Variants in CDYL observed in about 807,000 individuals in gnomAD.
CDYL encodes chromodomain Y like, also known as chromodomain Y-like protein.
In CDYL, 8 loss-of-function variants were observed where a neutral mutation model predicts 47.3. The observed-to-expected ratio is 0.17, with a 90% CI of 0.10 to 0.31. The LOEUF (loss-of-function observed/expected upper bound fraction) is 0.31, where lower values mean the gene tolerates loss of function less well. Among genes scored for constraint, CDYL ranks in the 10% least tolerant of loss-of-function variants. The pLI, the probability that CDYL is intolerant of heterozygous loss-of-function variation, is 1.00. For synonymous variants in CDYL, 266 were observed against 265.0 expected, an observed-to-expected ratio of 1.00 and a Z score of -0.04; for missense variants, 471 against 701.4, an observed-to-expected ratio of 0.67 and a Z score of 3.71.
chr6:4,725,617 C>A (rs1348955742), intron 2 of CDYL, among the ~76,000 whole-genome samples: 1 of 152,250 alleles, frequency 6.6e-6, no homozygotes, highest in African/African-American at 2.4e-5. Flanking sequence ...GCCCGCCGAG[C>A]CCACGCCCAC....
chr6:4,802,144 A>G (rs1165547567), intron 1 of CDYL, among the ~76,000 whole-genome samples: 1 of 152,164 alleles, frequency 6.6e-6, no homozygotes, highest in Admixed American at 6.5e-5. Flanking sequence ...TTGAGCCAAG[A>G]TGCCACAAAC....
chr6:4,860,958 GCCACACCCAC>G (rs1238295293), intron 1 of CDYL, among the ~76,000 whole-genome samples: 1 of 151,874 alleles, frequency 6.6e-6, no homozygotes, highest in Admixed American at 6.6e-5. Flanking sequence ...ATCTGTTTTG[GCCACACCCAC>G]CCAGACACAC....
At chr6:4,739,017 C>T (rs1309909204) in intron 3 of CDYL, among the ~76,000 whole-genome samples, 2 of 151,854 alleles carry the variant, frequency 1.3e-5, no homozygotes, top group African/African-American at 2.4e-5. Context: ...CAAAATTAGC[C>T]GGGCGTGGTG....
At chr6:4,753,363 C>A (rs1277377773) in intron 3 of CDYL, among the ~76,000 whole-genome samples, 2 of 152,130 alleles carry the variant, frequency 1.3e-5, no homozygotes, top group African/African-American at 4.8e-5. Flanking sequence ...GCTGTCAGTG[C>A]TAAAGATGTG....
intron 2 of CDYL, among the ~76,000 whole-genome samples, chr6:4,718,005 C>A (rs1478661305): frequency 6.6e-6 from 1 of 151,896 alleles, no homozygotes; most frequent in Non-Finnish European, 1.5e-5. Flanking sequence ...GCCACCACAC[C>A]CGGCTGATTT....
At chr6:4,801,604 T>TAAGACTTA in intron 1 of CDYL, among the ~76,000 whole-genome samples, 1 of 152,318 alleles carries the variant, frequency 6.6e-6, no homozygotes, top group East Asian at 1.9e-4. Flanking sequence ...GTCTTTGCAC[T>TAAGACTTA]GGTGGTGGTT....
chr6:4,950,880 C>T (rs1758680134), intron 5 of CDYL, among the ~76,000 whole-genome samples: 1 of 148,398 alleles, frequency 6.7e-6, no homozygotes, highest in South Asian at 2.1e-4. Context: ...TGCAGTGAGC[C>T]GATATTGCAC....
At chr6:4,787,457 A>G (rs551208627) in intron 1 of CDYL, among the ~76,000 whole-genome samples, 19 of 152,186 alleles carry the variant, frequency 1.2e-4, no homozygotes, top group Non-Finnish European at 1.8e-4. Context: ...CTTCCTAAGT[A>G]GCTCTAGATT....
rs184553230 is a variant in CDYL at position 4,766,615 on chromosome 6, A to G, written c.186+31771A>G. ...ATAAGCAAATGCATACAGGTATCAA[A>G]AGAAGAAATAATGGCATTCATACAC... On this transcript the variant is annotated intron_variant, in intron 3 of 8. Coordinates refer to the CDYL transcript ENST00000328908. 1.9e-3 allele frequency among the ~76,000 whole-genome samples: 282 copies of G among 152,306 alleles called. 1 individual carries two copies. The highest frequency in any genetic ancestry group is 6.3e-3 in the African/African-American group (260 of 41,554).
At chr6:4,904,350 T>C (rs1461731671) in intron 2 of CDYL, among the ~76,000 whole-genome samples, 1 of 152,270 alleles carries the variant, frequency 6.6e-6, no homozygotes, top group East Asian at 1.9e-4. Flanking sequence ...TAATTGGCTC[T>C]CAGTCTAGGA....
chr6:4,779,447 G>A lies in CDYL; in HGVS notation c.24+2640G>A, dbSNP rs115534494. On this transcript the variant is annotated intron_variant, in intron 1 of 6. Transcript: ENST00000397588. Reference sequence around the variant, plus strand: ...CCAACTGCTGAGCCTTGGTTTTCTCGCCTAAAAGAAATGTCTCCAATACTT... The same window carrying A: ...CCAACTGCTGAGCCTTGGTTTTCTCACCTAAAAGAAATGTCTCCAATACTT... 1.9e-3 allele frequency among the ~76,000 whole-genome samples: 283 copies of A among 152,258 alleles called. 1 individual carries two copies. Among genetic ancestry groups the A allele is most frequent in the African/African-American group, 6.5e-3 (271 of 41,536 alleles).
rs549006638 is a variant in CDYL at position 4,806,255 on chromosome 6, C to G, written c.24+29448C>G. On this transcript the variant is annotated intron_variant, in intron 1 of 6. Transcript: ENST00000397588. ...CCTCCAGCACCCTCTGTTGGCAAAG[C>G]CTGGCATCAAGCGTCACCCAGGATT... is the stretch of plus-strand genomic sequence containing the variant. Among the ~76,000 whole-genome samples, 53 of 152,308 alleles carry G rather than the reference C, an allele frequency of 3.5e-4. No individual in the cohort carries two copies. The South Asian group carries it at 7.9e-3, about 23-fold the overall frequency.
chr6:4,898,073 C>A (rs1160403193), intron 2 of CDYL, among the ~76,000 whole-genome samples: 1 of 152,002 alleles, frequency 6.6e-6, no homozygotes, highest in South Asian at 2.1e-4. Flanking sequence ...AAAAAAAAAT[C>A]CAGGCATGGT....
At chr6:4,862,915 A>C (rs1230544308) in intron 1 of CDYL, among the ~76,000 whole-genome samples, 1 of 152,232 alleles carries the variant, frequency 6.6e-6, no homozygotes, top group East Asian at 1.9e-4. Flanking sequence ...TGTTTATTGC[A>C]GCACTGTTCA....
Position 4,954,533 on chromosome 6 carries a change from G to A in CDYL, c.*477G>A, listed in dbSNP as rs1447363199. Reference sequence around the variant, plus strand: ...AGACACAGAGTGATGTGAGGCGTTGGCTTTTTCTCCAAGAAGGTACAGATA... The same window carrying A: ...AGACACAGAGTGATGTGAGGCGTTGACTTTTTCTCCAAGAAGGTACAGATA... On this transcript the variant is annotated 3_prime_UTR_variant, in exon 7 of 7. Coordinates refer to ENST00000397588, the MANE Select transcript of CDYL (RefSeq NM_004824.4). 6.6e-6 allele frequency: 1 copy of A among 152,622 alleles called. No individual in the cohort carries two copies. Among genetic ancestry groups the A allele is most frequent in the Admixed American group, 6.5e-5 (1 of 15,284 alleles). The allele number at this position is 152,622 out of a possible 1,614,324, so 9.5% of individuals were successfully genotyped here. A position where few individuals can be genotyped will look rare whatever the true frequency, so the allele number is the denominator to read the frequency against.
At chr6:4,882,476 G>A (rs1424665362) in intron 1 of CDYL, among the ~76,000 whole-genome samples, 1 of 152,204 alleles carries the variant, frequency 6.6e-6, no homozygotes, top group African/African-American at 2.4e-5. Flanking sequence ...CCTTTGGTGG[G>A]CAGATGGTTC....
chr6:4,905,048 T>C (rs1187033674), intron 2 of CDYL, among the ~76,000 whole-genome samples: 1 of 152,148 alleles, frequency 6.6e-6, no homozygotes, highest in South Asian at 2.1e-4. Context: ...GACGGCCCAG[T>C]GCTCTACCCC....
At chr6:4,842,244 A>G (rs904198382) in intron 1 of CDYL, among the ~76,000 whole-genome samples, 1 of 146,482 alleles carries the variant, frequency 6.8e-6, no homozygotes, top group Admixed American at 6.9e-5. Context: ...TAATATTAAT[A>G]TAAATAAAAA....
At chr6:4,737,926 A>C (rs1461936916) in intron 3 of CDYL, among the ~76,000 whole-genome samples, 3 of 152,234 alleles carry the variant, frequency 2.0e-5, no homozygotes, top group Non-Finnish European at 4.4e-5. Flanking sequence ...GACATCTTAG[A>C]AAAAATGTAA....
Sources: allele counts gnomAD v4.1 joint callset (sites outside exome capture counted in the v4.1 genomes callset), GRCh38; gene constraint gnomAD v4.1.1; transcripts MANE v1.5; gene names NCBI Gene and HGNC (gene_info 2026-07-23, HGNC 2026-07-21).